Variants in CREB5 observed in about 807,000 individuals in gnomAD.
The protein encoded by CREB5 is cAMP responsive element binding protein 5.
In CREB5, 19 loss-of-function variants were observed where a neutral mutation model predicts 57.1. The ratio of observed to expected loss-of-function variants is 0.33; its 90% CI spans 0.23 to 0.49. The LOEUF (loss-of-function observed/expected upper bound fraction) is 0.49. Among genes scored for constraint, CREB5 ranks in the 20% least tolerant of loss-of-function variants. The pLI, the probability that CREB5 is intolerant of heterozygous loss-of-function variation, is 0.99. For synonymous variants in CREB5, 238 were observed against 238.3 expected, an observed-to-expected ratio of 1.00 and a Z score of 0.01; for missense variants, 579 against 671.6, an observed-to-expected ratio of 0.86 and a Z score of 1.52.
At chr7:28,592,614 T>G (rs145674530) in intron 5 of CREB5, among the ~76,000 whole-genome samples, 2 of 152,242 alleles carry the variant, frequency 1.3e-5, no homozygotes, top group Admixed American at 6.5e-5. Flanking sequence ...AGCACTAAGT[T>G]TGCAGAGGTC....
intron 1 of CREB5, among the ~76,000 whole-genome samples, chr7:28,441,827 A>G (rs1380809245): frequency 6.6e-6 from 1 of 152,166 alleles, no homozygotes; most frequent in Non-Finnish European, 1.5e-5. Flanking sequence ...AAACTTTTTT[A>G]AATTTTAAAA....
chr7:28,330,401 C>CTTTTTTTTTTTTTTTTTTTTTTTTTTTT (rs10699932), intron 1 of CREB5, among the ~76,000 whole-genome samples: 1 of 88,538 alleles, frequency 1.1e-5, no homozygotes, highest in Non-Finnish European at 2.1e-5. Context: ...GAGAACCTTA[C>CTTTTTTTTTTTTTTTTTTTTTTTTTTTT]TTTTTTTTTT....
upstream of CREB5, chr7:28,410,229 G>A (rs986818853): frequency 3.5e-5 from 16 of 453,994 alleles, no homozygotes; most frequent in Admixed American, 3.8e-4. Context: ...GCTGGAGAGC[G>A]GCGAGGCTCC....
intron 5 of CREB5, among the ~76,000 whole-genome samples, chr7:28,602,247 T>G (rs1363654468): frequency 6.6e-6 from 1 of 152,098 alleles, no homozygotes; most frequent in Non-Finnish European, 1.5e-5. Flanking sequence ...CTGCCTCAGC[T>G]TCCCAAGTAG....
intron 7 of CREB5, among the ~76,000 whole-genome samples, chr7:28,785,424 A>G (rs1270801684): frequency 1.3e-5 from 2 of 152,216 alleles, no homozygotes; most frequent in Non-Finnish European, 2.9e-5. Flanking sequence ...ACTTCGAAGG[A>G]GCTCTTCTCC....
chr7:28,679,460 G>A (rs1421956143), intron 5 of CREB5, among the ~76,000 whole-genome samples: 1 of 152,124 alleles, frequency 6.6e-6, no homozygotes, highest in East Asian at 1.9e-4. Flanking sequence ...CAGAGTGTGG[G>A]CCCTGATGAG....
At chr7:28,642,544 G>C in intron 5 of CREB5, among the ~76,000 whole-genome samples, 1 of 152,188 alleles carries the variant, frequency 6.6e-6, no homozygotes, top group East Asian at 1.9e-4. Context: ...CATACAAAGG[G>C]CTTTTCTGCA....
chr7:28,717,049 G>A (rs1286024653), intron 5 of CREB5, among the ~76,000 whole-genome samples: 1 of 147,404 alleles, frequency 6.8e-6, no homozygotes, highest in Non-Finnish European at 1.5e-5. Context: ...TGTAATTAGT[G>A]TATATCTGCA....
At chr7:28,612,856 A>G (rs1797448253) in intron 5 of CREB5, among the ~76,000 whole-genome samples, 1 of 152,184 alleles carries the variant, frequency 6.6e-6, no homozygotes, top group African/African-American at 2.4e-5. Context: ...AAAAATGTTC[A>G]AAGAGTATAA....
chr7:28,320,084 C>T (rs1436120339), intron 1 of CREB5, among the ~76,000 whole-genome samples: 2 of 151,990 alleles, frequency 1.3e-5, no homozygotes, highest in Non-Finnish European at 2.9e-5. Context: ...CTGCGTGCCA[C>T]CATGCCTGGC....
At chr7:28,703,375 T>C (rs528329861) in intron 5 of CREB5, among the ~76,000 whole-genome samples, 1 of 152,290 alleles carries the variant, frequency 6.6e-6, no homozygotes, top group South Asian at 2.1e-4. Context: ...AATTCACTTC[T>C]ACCAAATATA....
At chr7:28,680,841 A>T (rs1800553360) in intron 5 of CREB5, among the ~76,000 whole-genome samples, 1 of 151,836 alleles carries the variant, frequency 6.6e-6, no homozygotes, top group Admixed American at 6.6e-5. Context: ...TGCCCACTCT[A>T]GTCATAGAGA....
At chr7:28,737,567 A>G (rs1470959883) in intron 7 of CREB5, among the ~76,000 whole-genome samples, 1 of 110,718 alleles carries the variant, frequency 9.0e-6, no homozygotes, top group Admixed American at 8.9e-5. Flanking sequence ...ATATATATAT[A>G]TATATATATA....
intron 1 of CREB5, among the ~76,000 whole-genome samples, chr7:28,342,733 A>G (rs1261779711): frequency 1.3e-5 from 2 of 152,148 alleles, no homozygotes; most frequent in African/African-American, 2.4e-5. Context: ...TTACAGGAGG[A>G]AAAAAACCAT....
chr7:28,795,972 C>T (rs561180272), intron 7 of CREB5, among the ~76,000 whole-genome samples: 74 of 152,170 alleles, frequency 4.9e-4, no homozygotes, highest in African/African-American at 1.7e-3. Context: ...CCGCTAGTCT[C>T]AACCTCCTGA....
At chr7:28,777,588 G>T (rs892855034) in intron 7 of CREB5, among the ~76,000 whole-genome samples, 12 of 152,162 alleles carry the variant, frequency 7.9e-5, no homozygotes, top group African/African-American at 2.4e-4. Flanking sequence ...GGGAAGTCCT[G>T]CAAACACCAC....
intron 1 of CREB5, among the ~76,000 whole-genome samples, chr7:28,458,093 C>T (rs1023866970): frequency 6.6e-6 from 1 of 152,080 alleles, no homozygotes; most frequent in African/African-American, 2.4e-5. Context: ...AAACGGGGGG[C>T]CAAGACAGAA....
At chr7:28,668,917 C>T (rs1799929704) in intron 5 of CREB5, among the ~76,000 whole-genome samples, 1 of 152,180 alleles carries the variant, frequency 6.6e-6, no homozygotes, top group Admixed American at 6.5e-5. Context: ...TGCTGACCCT[C>T]AGTTCTAGAC....
intron 1 of CREB5, among the ~76,000 whole-genome samples, chr7:28,390,898 G>A (rs933843766): frequency 2.0e-5 from 3 of 151,952 alleles, no homozygotes; most frequent in Non-Finnish European, 2.9e-5. Flanking sequence ...CAAACTTAGC[G>A]TTTCCTTATG....
Sources: gnomAD v4.1 joint callset for allele counts (sites outside exome capture counted in the v4.1 genomes callset) on GRCh38, gnomAD v4.1.1 for gene constraint, MANE v1.5 for transcripts, NCBI Gene and HGNC (gene_info 2026-07-23, HGNC 2026-07-21) for gene names.